Variants in CHST8 observed in about 807,000 individuals in gnomAD.
CHST8 encodes the protein GALNAC-4-ST1.
Under a neutral mutation model 15.0 loss-of-function variants are expected in CHST8, and 10 were observed. The ratio of observed to expected loss-of-function variants is 0.67; its 90% CI spans 0.41 to 1.13. The LOEUF is 1.13. Among genes scored for constraint, CHST8 ranks in the 50% most tolerant of loss-of-function variants. The pLI, the probability that CHST8 is intolerant of heterozygous loss-of-function variation, is 0.00. For synonymous variants in CHST8, 259 were observed against 256.6 expected (o/e 1.01, Z -0.09); for missense variants, 634 against 608.2 (o/e 1.04, Z -0.45).
intron 3 of CHST8, among the ~76,000 whole-genome samples, chr19:33,696,842 G>GT (rs554321176): frequency 0.13 from 17,982 of 141,826 alleles, 1,232 homozygotes; most frequent in Non-Finnish European, 0.17. Context: ...TGTTTTTTAA[G>GT]TTTTTTTTTT....
At chr19:33,699,106 T>C (rs1973279908) in intron 3 of CHST8, among the ~76,000 whole-genome samples, 1 of 152,158 alleles carries the variant, frequency 6.6e-6, no homozygotes, top group Non-Finnish European at 1.5e-5. Flanking sequence ...CCTCACATTG[T>C]CCTGGGATGG....
chr19:33,665,444 T>C (rs1233934379), intron 1 of CHST8, among the ~76,000 whole-genome samples: 1 of 152,144 alleles, frequency 6.6e-6, no homozygotes, highest in Non-Finnish European at 1.5e-5. Context: ...GTGGCTGTGT[T>C]CCAATAAAAC....
intron 1 of CHST8, among the ~76,000 whole-genome samples, chr19:33,632,156 T>C (rs1293236526): frequency 1.4e-5 from 2 of 137,962 alleles, no homozygotes; most frequent in East Asian, 2.0e-4. Context: ...TTTTTTTTTT[T>C]CCAGACAGGG....
chr19:33,686,636 T>C (rs1972985116), intron 2 of CHST8, among the ~76,000 whole-genome samples: 1 of 152,184 alleles, frequency 6.6e-6, no homozygotes, highest in Admixed American at 6.5e-5. Context: ...CATGAAGCTG[T>C]TCTCCTTCCT....
chr19:33,762,272 C>T (rs1974748104), intron 3 of CHST8, among the ~76,000 whole-genome samples: 1 of 152,194 alleles, frequency 6.6e-6, no homozygotes, highest in Non-Finnish European at 1.5e-5. Context: ...ACTCCCCTTC[C>T]CAACCCACTC....
chr19:33,727,535 G>A (rs567828900), intron 3 of CHST8, among the ~76,000 whole-genome samples: 1 of 152,314 alleles, frequency 6.6e-6, no homozygotes, highest in African/African-American at 2.4e-5. Context: ...CGTGCTTGGG[G>A]CTGGGGCCTC....
intron 2 of CHST8, among the ~76,000 whole-genome samples, chr19:33,673,338 C>T (rs896767799): frequency 1.3e-5 from 2 of 152,182 alleles, no homozygotes; most frequent in African/African-American, 2.4e-5. Context: ...GGAGATGATG[C>T]CTGCAGTGAC....
intron 3 of CHST8, among the ~76,000 whole-genome samples, chr19:33,754,535 G>C (rs1974505924): frequency 6.6e-6 from 1 of 152,288 alleles, no homozygotes; most frequent in Non-Finnish European, 1.5e-5. Flanking sequence ...CCAAGGACAG[G>C]ATCGACTTTA....
intron 3 of CHST8, among the ~76,000 whole-genome samples, chr19:33,768,363 C>T (rs1385058928): frequency 2.3e-4 from 35 of 151,990 alleles, no homozygotes; most frequent in Non-Finnish European, 1.5e-5. Context: ...TTTCTTGAGG[C>T]CAGGTGTTTG....
intron 1 of CHST8, among the ~76,000 whole-genome samples, chr19:33,630,867 C>T (rs1972113273): frequency 1.3e-5 from 2 of 152,218 alleles, no homozygotes; most frequent in South Asian, 4.1e-4. Flanking sequence ...GCCCCACTCT[C>T]TGTGGGGTCT....
chr19:33,694,169 CAT>C (rs397842550), intron 3 of CHST8, among the ~76,000 whole-genome samples: 95 of 40,072 alleles, frequency 2.4e-3, no homozygotes, highest in South Asian at 3.8e-3. Context: ...GTAGTTTATT[CAT>C]ATATATATAT....
intron 3 of CHST8, among the ~76,000 whole-genome samples, chr19:33,710,843 A>C (rs1191478369): frequency 2.0e-5 from 3 of 148,718 alleles, no homozygotes; most frequent in Non-Finnish European, 4.5e-5. Context: ...GCTTCTTGAT[A>C]TGTTGTATGC....
intron 3 of CHST8, among the ~76,000 whole-genome samples, chr19:33,757,605 A>G (rs10420857): frequency 0.027 from 3,029 of 112,918 alleles, 360 homozygotes; most frequent in African/African-American, 0.096. Context: ...AGAAAGAAAG[A>G]GCCGGCCATT....
intron 2 of CHST8, among the ~76,000 whole-genome samples, chr19:33,687,478 A>G (rs538079119): frequency 7.9e-5 from 12 of 151,992 alleles, no homozygotes; most frequent in Non-Finnish European, 1.8e-4. Context: ...AGCCAGCCTG[A>G]CACCCCGGAG....
chr19:33,649,769 A>G (rs1368328616), intron 1 of CHST8, among the ~76,000 whole-genome samples: 1 of 152,210 alleles, frequency 6.6e-6, no homozygotes, highest in Non-Finnish European at 1.5e-5. Flanking sequence ...GTCTCTTATT[A>G]GGAGAAAGTT....
chr19:33,648,613 G>A (rs1188188869), intron 1 of CHST8, among the ~76,000 whole-genome samples: 2 of 152,154 alleles, frequency 1.3e-5, no homozygotes, highest in African/African-American at 2.4e-5. Flanking sequence ...GGTGGCTCAT[G>A]CCTATAATCC....
intron 2 of CHST8, among the ~76,000 whole-genome samples, chr19:33,677,347 A>G (rs1972823696): frequency 6.6e-6 from 1 of 152,170 alleles, no homozygotes; most frequent in South Asian, 2.1e-4. Flanking sequence ...CTTGAGGTTG[A>G]GCGATGAGGG....
At chr19:33,688,051 C>T (rs1973017383) in intron 2 of CHST8, among the ~76,000 whole-genome samples, 2 of 152,184 alleles carry the variant, frequency 1.3e-5, no homozygotes, top group Non-Finnish European at 2.9e-5. Flanking sequence ...GTGATCCTCT[C>T]GGCCTAGCCA....
intron 1 of CHST8, among the ~76,000 whole-genome samples, chr19:33,646,292 A>G (rs10406556): frequency 0.79 from 119,815 of 151,982 alleles, 48,631 homozygotes; most frequent in Non-Finnish European, 0.88. Context: ...GTTAGGGATG[A>G]AATTATAGGG....
Sources: gnomAD v4.1 joint callset for allele counts (sites outside exome capture counted in the v4.1 genomes callset) on GRCh38, gnomAD v4.1.1 for gene constraint, MANE v1.5 for transcripts, NCBI Gene and HGNC (gene_info 2026-07-23, HGNC 2026-07-21) for gene names.